Variants in AXL observed in about 807,000 individuals in gnomAD.
AXL encodes AXL receptor tyrosine kinase, also known as tyrosine-protein kinase receptor UFO.
In AXL, 52 loss-of-function variants were observed where a neutral mutation model predicts 104.5. That is an observed-to-expected ratio of 0.50 (90% CI 0.40 to 0.63). The LOEUF (loss-of-function observed/expected upper bound fraction) is 0.63, where lower values mean the gene tolerates loss of function less well. Ranked by LOEUF, AXL falls within the 20% of genes least tolerant of loss-of-function variation. The probability of loss-of-function intolerance (pLI) is 0.00; values close to 1 mark genes in which losing one functional copy is unlikely to be tolerated. For missense variants in AXL, 1,024 were observed against 1,188.5 expected (o/e 0.86, Z 2.04); for synonymous variants, 455 against 473.7 (o/e 0.96, Z 0.51).
intron 19 of AXL, 64 bp downstream of exon 19, chr19:41,257,693 G>A: frequency 6.3e-7 from 1 of 1,599,984 alleles, no homozygotes. Flanking sequence ...CCCCCAGATG[G>A]CCCTCACAGG....
At chr19:41,255,296 T>C (rs1362331327) in intron 17 of AXL, among the ~76,000 whole-genome samples, 1 of 152,118 alleles carries the variant, frequency 6.6e-6, no homozygotes, top group Non-Finnish European at 1.5e-5. Flanking sequence ...TCTTTTCTTT[T>C]TTTCTCTTTC....
At chr19:41,253,490 C>T in intron 16 of AXL, 109 bp from the exon 17 acceptor site, 1 of 808,772 alleles carries the variant, frequency 1.2e-6, no homozygotes, top group Non-Finnish European at 2.1e-6. Context: ...TTGTCAGGGC[C>T]ATGGGAAACC....
Position 41,230,885 on chromosome 19 carries a change from A to G in AXL, c.587-82A>G, listed in dbSNP as rs936919444. 8 of 1,447,930 alleles carry G rather than the reference A, an allele frequency of 5.5e-6. No individual in the cohort carries two copies. The African/African-American group carries it at 1.1e-4, about 20-fold the overall frequency. The allele number at this position is 1,447,930 out of a possible 1,614,324, so 89.7% of individuals were successfully genotyped here. ...TGCACTGCCCCTGGTCAGGCAGGCC[A>G]TGGTAGGAGTGGCCCGGCATGGCCC... On this transcript the variant is annotated intron_variant, in intron 4 of 19. Coordinates refer to ENST00000301178, the MANE Select transcript of AXL (RefSeq NM_021913.5).
rs764649628 is a variant in AXL at position 41,256,624 on chromosome 19, C to A, written c.2196+13C>A. ...CAAGAGCGATGTGGTAGGTGCACTCCCGCCAAGAGTGGGGAACCATGGGAG... is the reference window on the plus strand; with the variant it reads ...CAAGAGCGATGTGGTAGGTGCACTCACGCCAAGAGTGGGGAACCATGGGAG... On this transcript the variant is annotated intron_variant, in intron 18 of 19. Coordinates refer to ENST00000301178, the MANE Select transcript of AXL (RefSeq NM_021913.5). 6.2e-7 allele frequency: 1 copy of A among 1,609,454 alleles called. No homozygotes were observed.
At chr19:41,238,178 C>A (rs183835905) in intron 7 of AXL, 24 bp downstream of exon 7, 1 of 1,610,202 alleles carries the variant, frequency 6.2e-7, no homozygotes, top group African/African-American at 1.3e-5. Flanking sequence ...GGGAGGGACA[C>A]GTCACCACTG....
intron 13 of AXL, 59 bp downstream of exon 13, chr19:41,248,668 C>T (rs2034310572): frequency 1.2e-6 from 2 of 1,611,118 alleles, no homozygotes; most frequent in East Asian, 4.5e-5. Flanking sequence ...TGCACTTCCA[C>T]ACTCCCACCC....
intron 14 of AXL, among the ~76,000 whole-genome samples, chr19:41,251,928 A>G (rs1431366995): frequency 6.6e-6 from 1 of 151,402 alleles, no homozygotes; most frequent in Non-Finnish European, 1.5e-5. Context: ...CCTGGCTAAC[A>G]AGGTGAAACC....
intron 6 of AXL, among the ~76,000 whole-genome samples, chr19:41,237,274 G>T (rs1028617534): frequency 6.6e-6 from 1 of 152,138 alleles, no homozygotes; most frequent in African/African-American, 2.4e-5. Flanking sequence ...ACAGAGTCTT[G>T]CTCTGTTACC....
chr19:41,226,909 C>T (rs957052643), intron 4 of AXL: 18 of 535,854 alleles, frequency 3.4e-5, no homozygotes, highest in African/African-American at 3.3e-4. Context: ...GCCTGGGCAA[C>T]GTGGTGAGAC....
chr19:41,221,520 C>G (rs1411372716), intron 3 of AXL: 1 of 497,790 alleles, frequency 2.0e-6, no homozygotes, highest in Non-Finnish European at 3.5e-6. Flanking sequence ...ACCATCAGGT[C>G]ACAGGAGGCC....
chr19:41,259,336 T>TC (rs762594672), intron 19 of AXL, among the ~76,000 whole-genome samples: 1 of 152,122 alleles, frequency 6.6e-6, no homozygotes, highest in Non-Finnish European at 1.5e-5. Context: ...CAGACAGGTT[T>TC]CCCGAGACCC....
rs1491300026 is a variant in AXL, at chr19:41,253,727, C to CCA, written c.2036+20_2036+21insAC. 1.5e-5 allele frequency: 1 copy of CCA among 68,510 alleles called. No homozygotes were observed. The highest frequency in any genetic ancestry group is 6.9e-5 in the African/African-American group (1 of 14,494). The allele number at this position is 68,510 out of a possible 1,614,324, so 4.2% of individuals were successfully genotyped here. ...ACTGCATGTGAGTGCCTTTCAGGGA[C>CCA]CCCCCCCCCCCAACTGCTCCTGCAC... is the stretch of plus-strand genomic sequence containing the variant. On this transcript the variant is annotated intron_variant, in intron 17 of 19. Coordinates refer to ENST00000301178, the MANE Select transcript of AXL (RefSeq NM_021913.5).
chr19:41,238,629 T>TTG lies in AXL; in HGVS notation c.1134+21_1134+22dup, dbSNP rs1407477672. 3 of 1,596,752 alleles carry TTG rather than the reference T, an allele frequency of 1.9e-6. No individual in the cohort carries two copies. Among genetic ancestry groups the TTG allele is most frequent in the Admixed American group, 1.7e-5 (1 of 58,274 alleles). ...CCAGAGGTGGGTGCTGCTGGTGGGA[T>TTG]TGGAGTGGAGTGGCTTGGGGAGGAG... is the stretch of plus-strand genomic sequence containing the variant. On this transcript the variant is annotated intron_variant, in intron 8 of 19. Coordinates refer to ENST00000301178, the MANE Select transcript of AXL (RefSeq NM_021913.5).
Position 41,242,866 on chromosome 19 carries a change from C to T in AXL, c.1313-17C>T, listed in dbSNP as rs746092416. The T allele has an allele frequency of 3.1e-6, 5 of 1,614,054 alleles. No homozygotes were observed. The highest frequency in any genetic ancestry group is 4.2e-6 in the Non-Finnish European group (5 of 1,179,970). ...CCAAGGCTTCATCCATGACCTGTTC[C>T]TCATACCCCCTGATAGTGAAGGAAC... On this transcript the variant is annotated splice_polypyrimidine_tract_variant and intron_variant, in intron 10 of 19. Coordinates refer to ENST00000301178, the MANE Select transcript of AXL (RefSeq NM_021913.5).
intron 10 of AXL, among the ~76,000 whole-genome samples, chr19:41,241,712 G>A (rs991081196): frequency 6.6e-5 from 10 of 151,922 alleles, no homozygotes; most frequent in Non-Finnish European, 8.8e-5. Flanking sequence ...GCATGGTGGT[G>A]CACACCTGTA....
intron 4 of AXL, among the ~76,000 whole-genome samples, chr19:41,226,424 C>CT (rs1257294578): frequency 6.6e-6 from 1 of 152,164 alleles, no homozygotes; most frequent in Non-Finnish European, 1.5e-5. Flanking sequence ...GGCGCGGGGC[C>CT]TTCAGGGCGC....
rs2034514636 is a variant in AXL, at chr19:41,260,106, G to A, written c.*202G>A. 7 of 526,264 alleles carry A rather than the reference G, an allele frequency of 1.3e-5. No homozygotes were observed. The Admixed American group carries it at 1.8e-4, about 14-fold the overall frequency. The allele number at this position is 526,264 out of a possible 1,614,324, so 32.6% of individuals were successfully genotyped here. The stretch of plus-strand genomic sequence containing the variant: ...CTTGAAAGCAGTAGCATCACCATCT[G>A]TAAAAGGAAGGGGTTGGATTGCAAT... On this transcript the variant is annotated 3_prime_UTR_variant, in exon 20 of 20. Transcript: ENST00000301178.
intron 4 of AXL, among the ~76,000 whole-genome samples, chr19:41,225,332 C>T (rs144621357): frequency 6.6e-6 from 1 of 152,294 alleles, no homozygotes; most frequent in Non-Finnish European, 1.5e-5. Context: ...CAGTCTGTGT[C>T]TGGGTGAACA....
intron 14 of AXL, among the ~76,000 whole-genome samples, chr19:41,249,838 G>A (rs764155586): frequency 2.6e-5 from 4 of 152,056 alleles, no homozygotes; most frequent in Non-Finnish European, 5.9e-5. Context: ...CAGAGAGAGG[G>A]TGAAATACCC....
Sources: allele counts gnomAD v4.1 joint callset (sites outside exome capture counted in the v4.1 genomes callset), GRCh38; gene constraint gnomAD v4.1.1; transcripts MANE v1.5; gene names NCBI Gene and HGNC (gene_info 2026-07-23, HGNC 2026-07-21).